Variants in PURG observed in about 807,000 individuals in gnomAD.
PURG encodes purine-rich element-binding protein gamma.
In PURG, 3 loss-of-function variants were observed where a neutral mutation model predicts 24.3. That is an observed-to-expected ratio of 0.12 (90% CI 0.06 to 0.32). The LOEUF is 0.32. PURG is among the 10% of genes least tolerant of loss of function. PURG has a pLI of 1.00. For synonymous variants in PURG, 180 were observed against 173.1 expected (o/e 1.04, Z -0.31); for missense variants, 371 against 439.1 (o/e 0.84, Z 1.39).
intron 1 of PURG, among the ~76,000 whole-genome samples, chr8:31,006,017 A>G (rs1040796445): frequency 2.0e-5 from 3 of 152,118 alleles, no homozygotes; most frequent in Non-Finnish European, 4.4e-5. Context: ...TACATGGTCT[A>G]TCACACTTCA....
chr8:30,997,897 A>G (rs1810460295), intron 1 of PURG, among the ~76,000 whole-genome samples: 1 of 151,804 alleles, frequency 6.6e-6, no homozygotes, highest in Non-Finnish European at 1.5e-5. Flanking sequence ...ATCCATGTTG[A>G]TGATTTAAAT....
intron 1 of PURG, among the ~76,000 whole-genome samples, chr8:31,006,466 C>T (rs544700915): frequency 1.8e-4 from 28 of 152,138 alleles, no homozygotes; most frequent in African/African-American, 5.8e-4. Context: ...TGGTGGTGGG[C>T]GCCTGTGGTC....
intron 1 of PURG, among the ~76,000 whole-genome samples, chr8:31,015,902 A>T (rs1810853013): frequency 6.6e-6 from 1 of 151,814 alleles, no homozygotes; most frequent in African/African-American, 2.4e-5. Flanking sequence ...AATAAAAAAA[A>T]ATTCGCCAGG....
At chr8:31,026,415 C>T (rs1289510551), downstream of PURG, among the ~76,000 whole-genome samples, 2 of 151,486 alleles carry the variant, frequency 1.3e-5, no homozygotes, top group Non-Finnish European at 1.5e-5. Flanking sequence ...ATTTAAAATA[C>T]ACATATATTT....
intron 1 of PURG, among the ~76,000 whole-genome samples, chr8:31,024,276 C>G (rs1811052097): frequency 6.6e-6 from 1 of 152,140 alleles, no homozygotes; most frequent in Non-Finnish European, 1.5e-5. Flanking sequence ...CTCACACTTT[C>G]CAACTCTGGT....
intron 1 of PURG, among the ~76,000 whole-genome samples, chr8:31,018,243 A>G (rs1810912404): frequency 6.6e-6 from 1 of 152,250 alleles, no homozygotes; most frequent in Non-Finnish European, 1.5e-5. Flanking sequence ...ATTTGAAATC[A>G]CACTTCTTTA....
chr8:31,032,725 C>T lies in PURG; in HGVS notation c.58G>A (p.Val20Ile). 7.0e-7 allele frequency: 1 copy of T among 1,436,242 alleles called. No individual in the cohort carries two copies. The highest frequency in any genetic ancestry group is 2.5e-5 in the East Asian group (1 of 40,244). The allele number at this position is 1,436,242 out of a possible 1,614,324, so 89.0% of individuals were successfully genotyped here. A position where few individuals can be genotyped will look rare whatever the true frequency, so the allele number is the denominator to read the frequency against. Residue 20 changes from valine to isoleucine, a missense_variant, in exon 2 of 2, where the codon GTA becomes ATA. Transcript: ENST00000523392. The surrounding 1 kb of genome is among the most constrained non-coding windows in gnomAD (Gnocchi z 5.9). Reference protein sequence around the residue: ...GGGRGRGGKNVGGSGLSKSRL... With the variant: ...GGGRGRGGKNIGGSGLSKSRL... ...CTCTTGCTTAGGCCAGAGCCCCCTA[C>T]ATTCTTGCCTCCGCGGCCGCGGCCG...
At chr8:31,016,108 A>G (rs1156390096) in intron 1 of PURG, among the ~76,000 whole-genome samples, 5 of 152,106 alleles carry the variant, frequency 3.3e-5, no homozygotes, top group Non-Finnish European at 5.9e-5. Context: ...GGCCAGGCAC[A>G]GTGGCTCACA....
chr8:30,998,469 T>G (rs1810472695), intron 1 of PURG, among the ~76,000 whole-genome samples: 1 of 151,800 alleles, frequency 6.6e-6, no homozygotes, highest in Non-Finnish European at 1.5e-5. Flanking sequence ...TTAAAATATT[T>G]TAAGGCTTTA....
rs1811273307 is a variant in PURG, at chr8:31,032,868, G to A, written c.-6-80C>T. On this transcript the variant is annotated intron_variant, in intron 1 of 1. Coordinates refer to ENST00000523392, the MANE Select transcript of PURG (RefSeq NM_001323311.2). The surrounding 1 kb of genome is among the most constrained non-coding windows in gnomAD (Gnocchi z 5.9). The stretch of plus-strand genomic sequence containing the variant: ...ATCGCAGACGCCCCTCGGCCTGACC[G>A]CCCCGCCGCCGCCCGCGACCCCCAC... 3.6e-6 allele frequency: 4 copies of A among 1,108,022 alleles called. No individual in the cohort carries two copies. The highest frequency in any genetic ancestry group is 4.6e-6 in the Non-Finnish European group (4 of 877,416). The allele number at this position is 1,108,022 out of a possible 1,614,324, so 68.6% of individuals were successfully genotyped here.
chr8:31,001,652 G>C (rs2543597), intron 1 of PURG, among the ~76,000 whole-genome samples: 12,544 of 152,142 alleles, frequency 0.082, 1,580 homozygotes, highest in African/African-American at 0.27. Context: ...TTTAATGAAT[G>C]AATGAGAAAT....
intron 1 of PURG, among the ~76,000 whole-genome samples, chr8:31,020,254 T>A (rs563257954): frequency 6.6e-6 from 1 of 152,238 alleles, no homozygotes; most frequent in Non-Finnish European, 1.5e-5. Context: ...TATCTTGAGA[T>A]AATCAGCAAT....
In PURG at chr8:31,002,783, C is replaced by A. The variant is rs561715706; in HGVS notation, c.865-6086G>T. Among the ~76,000 whole-genome samples the A allele has an allele frequency of 2.1e-4, 32 of 152,274 alleles. No homozygotes were observed. In the South Asian group the frequency reaches 6.6e-3, roughly 32 times the overall value. Reference sequence around the variant, plus strand: ...ACAGGCGTGAGCCACCGTGCCCGGCCGAGATCTCTTTTATCTTTCTAACAT... The same window carrying A: ...ACAGGCGTGAGCCACCGTGCCCGGCAGAGATCTCTTTTATCTTTCTAACAT... On this transcript the variant is annotated intron_variant, in intron 1 of 1. Coordinates refer to the PURG transcript ENST00000339382.
chr8:31,009,350 C>T (rs747843577), intron 1 of PURG, among the ~76,000 whole-genome samples: 22 of 152,058 alleles, frequency 1.4e-4, no homozygotes, highest in Non-Finnish European at 2.5e-4. Flanking sequence ...TACTTGAACC[C>T]GGGAGGTGGA....
At position 31,032,872 on chromosome 8, in the gene PURG, C is replaced by T. The variant is rs1471394508; in HGVS notation, c.-6-84G>A. On this transcript the variant is annotated intron_variant, in intron 1 of 1. Transcript: ENST00000523392. This position sits in a 1 kb window ranked among gnomAD's most constrained non-coding sequence, Gnocchi z 5.9. ...CAGACGCCCCTCGGCCTGACCGCCC[C>T]GCCGCCGCCCGCGACCCCCACGCCG... 4.7e-6 allele frequency: 5 copies of T among 1,074,880 alleles called. No homozygotes were observed. The highest frequency in any genetic ancestry group is 5.9e-6 in the Non-Finnish European group (5 of 847,682). 66.6% of individuals were successfully genotyped at this position (1,074,880 alleles called of 1,614,324 possible). A position where few individuals can be genotyped will look rare whatever the true frequency, so the allele number is the denominator to read the frequency against.
intron 1 of PURG, among the ~76,000 whole-genome samples, chr8:30,998,936 T>A (rs1462390755): frequency 6.6e-6 from 1 of 151,906 alleles, no homozygotes; most frequent in Non-Finnish European, 1.5e-5. Context: ...CAACAGTTTA[T>A]GCATAATCTA....
At chr8:30,998,113 C>A (rs1001094438) in intron 1 of PURG, among the ~76,000 whole-genome samples, 2 of 151,658 alleles carry the variant, frequency 1.3e-5, no homozygotes, top group African/African-American at 4.8e-5. Flanking sequence ...TAAAAACTGT[C>A]CAAAAATTGT....
At chr8:31,004,697 T>C (rs1369455243) in intron 1 of PURG, among the ~76,000 whole-genome samples, 5 of 151,850 alleles carry the variant, frequency 3.3e-5, no homozygotes. Context: ...CAAAAGAATA[T>C]CCTTAAATGG....
chr8:31,020,510 C>T (rs1810971782), intron 1 of PURG, among the ~76,000 whole-genome samples: 1 of 152,136 alleles, frequency 6.6e-6, no homozygotes, highest in Admixed American at 6.5e-5. Flanking sequence ...ATGCATCAGT[C>T]TCCATATATT....
Sources: allele counts gnomAD v4.1 joint callset (sites outside exome capture counted in the v4.1 genomes callset), GRCh38; gene constraint gnomAD v4.1.1; non-coding constraint Gnocchi (gnomAD v3.1); transcripts MANE v1.5; gene names NCBI Gene and HGNC (gene_info 2026-07-23, HGNC 2026-07-21).